Variants in MPP1 observed in about 807,000 individuals in gnomAD.
MPP1 encodes MAGUK p55 scaffold protein 1.
In MPP1, 6 loss-of-function variants were observed where a neutral mutation model predicts 38.2. The observed-to-expected ratio is 0.16, with a 90% CI of 0.09 to 0.31. The LOEUF is 0.31. MPP1 is among the 10% of genes least tolerant of loss of function. MPP1 has a pLI of 1.00. For missense variants in MPP1, 293 were observed against 368.9 expected (o/e 0.79, Z 1.69); for synonymous variants, 153 against 146.3 (o/e 1.05, Z -0.33).
intron 1 of MPP1, 48 bp downstream of exon 1, chrX:154,805,224 T>A: frequency 8.9e-7 from 1 of 1,120,308 alleles, no homozygotes. Context: ...CCGAGATGAA[T>A]GGCCGAGCCC....
intron 1 of MPP1, chrX:154,799,822 C>G: frequency 1.7e-6 from 2 of 1,165,863 alleles, no homozygotes; most frequent in South Asian, 3.8e-5. Flanking sequence ...CAATGCCTGC[C>G]GCTCTGAAAG....
rs2072035015 is a variant in MPP1, at chrX:154,783,606, A to C, written c.866-99T>G. 3 of 703,003 alleles carry C rather than the reference A, an allele frequency of 4.3e-6. No individual in the cohort carries two copies. The Admixed American group carries it at 8.2e-5, about 19-fold the overall frequency. The allele number at this position is 703,003 out of a possible 1,213,427, so 57.9% of individuals were successfully genotyped here. On this transcript the variant is annotated intron_variant, in intron 8 of 11. Transcript: ENST00000369534. The stretch of plus-strand genomic sequence containing the variant: ...CGGCACTCAAAACTGCCAACAGGTG[A>C]ACATGAGTTGGGGTTGCATCTGGGC...
intron 1 of MPP1, among the ~76,000 whole-genome samples, chrX:154,798,099 G>T (rs934838478): frequency 8.9e-6 from 1 of 112,264 alleles, no homozygotes; most frequent in Non-Finnish European, 1.9e-5. Flanking sequence ...CAGAATAGCT[G>T]AAATAAAAAA....
intron 11 of MPP1, among the ~76,000 whole-genome samples, 167 bp from the exon 12 acceptor site, chrX:154,779,520 G>A (rs1251855852): frequency 2.7e-5 from 3 of 112,047 alleles, no homozygotes; most frequent in African/African-American, 9.7e-5. Flanking sequence ...GGCATGAAGA[G>A]GCAATCTCAA....
At chrX:154,803,860 T>A (rs1224530016) in intron 1 of MPP1, among the ~76,000 whole-genome samples, 3 of 112,472 alleles carry the variant, frequency 2.7e-5, no homozygotes, top group Non-Finnish European at 3.8e-5. Flanking sequence ...ATAGATTTTT[T>A]AAAAATAGTT....
chrX:154,786,354 A>C lies in MPP1; in HGVS notation c.527T>G (p.Leu176Arg), dbSNP rs375730305. ...CAGTCCCGCCTCCTTGCAAGGGATC[A>C]GATTGTCCTTTTTGGGATCATAGTC... ...QFDYDPKKDN[L>R]IPCKEAGLKF... Residue 176 changes from leucine (L) to arginine (R), a missense_variant, in exon 6 of 12, where the codon CTG becomes CGG. Physicochemically the swap from Leu to Arg is moderately radical, Grantham distance 102 (BLOSUM62 -2). Coordinates refer to ENST00000369534, the MANE Select transcript of MPP1 (RefSeq NM_002436.4). 29 of 1,210,019 alleles carry C rather than the reference A, an allele frequency of 2.4e-5. No homozygotes were observed. Among genetic ancestry groups the C allele is most frequent in the Non-Finnish European group, 3.0e-5 (27 of 895,248 alleles).
intron 5 of MPP1, among the ~76,000 whole-genome samples, 155 bp from the exon 6 acceptor site, chrX:154,786,555 T>C (rs2072076686): frequency 9.0e-6 from 1 of 111,159 alleles, no homozygotes; most frequent in Admixed American, 9.5e-5. Context: ...ATTGAAACGC[T>C]GAAGTGATTG....
chrX:154,795,634 G>A (rs1024675990), intron 1 of MPP1, among the ~76,000 whole-genome samples: 2 of 110,843 alleles, frequency 1.8e-5, no homozygotes, highest in African/African-American at 6.6e-5. Context: ...GCATGGTGGC[G>A]TGCACCTGTA....
At chrX:154,781,208 G>A in intron 11 of MPP1, 31 bp downstream of exon 11, 1 of 1,163,182 alleles carries the variant, frequency 8.6e-7, no homozygotes, top group Non-Finnish European at 1.2e-6. Context: ...CGGAGAAAGT[G>A]AACTACCCAT....
chrX:154,802,167 A>T (rs782049556), intron 1 of MPP1, among the ~76,000 whole-genome samples: 11 of 112,473 alleles, frequency 9.8e-5, no homozygotes, highest in Non-Finnish European at 2.1e-4. Context: ...GTTACAGCCT[A>T]GGTACTGCGA....
At chrX:154,786,573 G>A (rs782465503) in intron 5 of MPP1, among the ~76,000 whole-genome samples, 173 bp from the exon 6 acceptor site, 3 of 111,108 alleles carry the variant, frequency 2.7e-5, no homozygotes, top group South Asian at 3.8e-4. Flanking sequence ...TTGTGTTTGC[G>A]GAGGGGTCAG....
chrX:154,790,518 G>A (rs1411602322), intron 4 of MPP1, among the ~76,000 whole-genome samples: 4 of 93,994 alleles, frequency 4.3e-5, no homozygotes, highest in African/African-American at 1.6e-4. Flanking sequence ...GTGACAGAGC[G>A]AAACTCCATC....
In MPP1 at chrX:154,795,484, G is replaced by C. The variant is rs192852657; in HGVS notation, c.103-3199C>G. ...TATTTGCTTAAAAATCCATAAACTG[G>C]CCAGGTTCAGTGGCTCACACCTGTA... On this transcript the variant is annotated intron_variant, in intron 1 of 11. Transcript: ENST00000369534. 3.5e-4 allele frequency among the ~76,000 whole-genome samples: 39 copies of C among 111,790 alleles called. 1 individual carries two copies. In the East Asian group the frequency reaches 8.4e-3, roughly 24 times the overall value.
chrX:154,801,125 G>C, intron 1 of MPP1, among the ~76,000 whole-genome samples: 2 of 112,045 alleles, frequency 1.8e-5, no homozygotes, highest in Admixed American at 1.9e-4. Flanking sequence ...CACTGCTTAG[G>C]AGAAAAATCT....
Position 154,790,013 on chromosome X carries a change from T to C in MPP1, c.421A>G (p.Lys141Glu). ...ATTACTTTTAATGAGATCATTCCTT[T>C]GGTTTCTTTCTATTAAAAAAAATGG... ...DQLQKAMKET[K>E]GMISLKVIPN... The change falls in exon 5 of 12, where the codon AAA (lysine) becomes GAA (glutamate). Residue 141 changes from lysine to glutamate, a missense_variant. Physicochemically the swap from Lys to Glu is moderately conservative, Grantham distance 56 (BLOSUM62 1). Transcript: ENST00000369534. The C allele has an allele frequency of 2.5e-6, 3 of 1,183,694 alleles. No homozygotes were observed. The highest frequency in any genetic ancestry group is 3.4e-6 in the Non-Finnish European group (3 of 873,122).
chrX:154,785,212 C>CG (rs2072057812), intron 6 of MPP1, 55 bp from the exon 7 acceptor site: 2 of 902,470 alleles, frequency 2.2e-6, no homozygotes, highest in African/African-American at 2.1e-5. Flanking sequence ...CCTCATACCC[C>CG]CCCCAGCCAC....
chrX:154,783,519 GAGA>G lies in MPP1; in HGVS notation c.866-15_866-13del, dbSNP rs1271114748. The G allele has an allele frequency of 4.2e-6, 5 of 1,186,993 alleles. No homozygotes were observed. The highest frequency in any genetic ancestry group is 1.8e-5 in the African/African-American group (1 of 56,975). ...CACCCCACTGGCTCCTGTGTAGAGA[GAGA>G]AGAACATCTTTTGGAAAGGGGGGAG... On this transcript the variant is annotated splice_polypyrimidine_tract_variant and intron_variant, in intron 8 of 11. Coordinates refer to ENST00000369534, the MANE Select transcript of MPP1 (RefSeq NM_002436.4).
chrX:154,798,228 C>G (rs1384156654), intron 1 of MPP1, among the ~76,000 whole-genome samples: 1 of 111,948 alleles, frequency 8.9e-6, no homozygotes, highest in East Asian at 2.8e-4. Context: ...TATTAAAAAA[C>G]CAAACACACA....
rs1285281979 is a variant in MPP1, at chrX:154,792,248, A to G, written c.140T>C (p.Met47Thr). 4.9e-5 allele frequency: 59 copies of G among 1,210,060 alleles called. No homozygotes were observed. Among genetic ancestry groups the G allele is most frequent in the Non-Finnish European group, 6.4e-5 (57 of 894,999 alleles). Residue 47 changes from methionine to threonine, a missense_variant, in exon 2 of 12, where the codon ATG (methionine) becomes ACG (threonine). By Grantham distance (81) the Met-to-Thr change is moderately conservative (BLOSUM62 -1). Transcript: ENST00000369534. ...TGGGGCAGGAGACCCGTTGGTGTAC[A>G]TGTCCTCGGTCACAGTATTCAATGG... ...SHPLNTVTED[M>T]YTNGSPAPGS... is the part of the protein sequence containing the mutation.
Sources: gnomAD v4.1 joint callset for allele counts (sites outside exome capture counted in the v4.1 genomes callset) on GRCh38, gnomAD v4.1.1 for gene constraint, MANE v1.5 for transcripts, NCBI Gene and HGNC (gene_info 2026-07-23, HGNC 2026-07-21) for gene names.